The following COL8A1 variants were observed in gnomAD, a reference collection of about 807,000 sequenced individuals.
COL8A1 encodes collagen type VIII alpha 1 chain, also known as collagen alpha-1(VIII) chain.
In COL8A1, 21 loss-of-function variants were observed where a neutral mutation model predicts 42.7. The observed-to-expected ratio is 0.49, with a 90% CI of 0.35 to 0.71. The LOEUF (loss-of-function observed/expected upper bound fraction) is 0.71. Among genes scored for constraint, COL8A1 ranks in the 30% least tolerant of loss-of-function variants. The pLI, the probability that COL8A1 is intolerant of heterozygous loss-of-function variation, is 0.01. For synonymous variants in COL8A1, 367 were observed against 369.1 expected, an observed-to-expected ratio of 0.99 and a Z score of 0.06; for missense variants, 788 against 962.4, an observed-to-expected ratio of 0.82 and a Z score of 2.40.
intron 1 of COL8A1, among the ~76,000 whole-genome samples, chr3:99,712,906 C>T (rs1010494015): frequency 6.6e-6 from 1 of 152,112 alleles, no homozygotes; most frequent in African/African-American, 2.4e-5. Context: ...TCTTTCTCTA[C>T]ATTTCTCTTT....
intron 2 of COL8A1, among the ~76,000 whole-genome samples, chr3:99,749,964 A>G (rs1941107045): frequency 6.6e-6 from 1 of 151,584 alleles, no homozygotes; most frequent in Non-Finnish European, 1.5e-5. Flanking sequence ...AAAATTATGC[A>G]TGAGTTAACT....
At chr3:99,780,625 T>C (rs1458234304) in intron 2 of COL8A1, among the ~76,000 whole-genome samples, 1 of 152,146 alleles carries the variant, frequency 6.6e-6, no homozygotes, top group East Asian at 1.9e-4. Flanking sequence ...ATCAACGAAA[T>C]TCCATATGTT....
intron 1 of COL8A1, among the ~76,000 whole-genome samples, chr3:99,689,255 A>AG (rs1478310458): frequency 3.3e-5 from 5 of 152,214 alleles, no homozygotes; most frequent in Middle Eastern, 3.2e-3. Context: ...GGCCTGTTCG[A>AG]GTGTAGGGTT....
chr3:99,751,472 T>C (rs534347435), intron 2 of COL8A1, among the ~76,000 whole-genome samples: 48 of 152,168 alleles, frequency 3.2e-4, no homozygotes, highest in African/African-American at 1.2e-3. Flanking sequence ...GCAGGGAGAA[T>C]TGCTTGAACC....
intron 1 of COL8A1, among the ~76,000 whole-genome samples, chr3:99,675,409 G>T (rs1291485584): frequency 6.6e-6 from 1 of 151,940 alleles, no homozygotes; most frequent in African/African-American, 2.4e-5. Flanking sequence ...TTTGTTATTT[G>T]TTATGAGCGC....
intron 1 of COL8A1, among the ~76,000 whole-genome samples, chr3:99,659,536 A>C (rs959209552): frequency 6.6e-6 from 1 of 152,214 alleles, no homozygotes; most frequent in Non-Finnish European, 1.5e-5. Context: ...AGCCCCACTG[A>C]GACTGTGGTT....
chr3:99,764,891 G>C (rs1300094116), intron 2 of COL8A1, among the ~76,000 whole-genome samples: 1 of 151,728 alleles, frequency 6.6e-6, no homozygotes, highest in Admixed American at 6.6e-5. Flanking sequence ...CCAATAGTAA[G>C]TTCTCCATAA....
intron 2 of COL8A1, among the ~76,000 whole-genome samples, chr3:99,769,960 C>A (rs1029169424): frequency 6.6e-6 from 1 of 152,032 alleles, no homozygotes; most frequent in East Asian, 1.9e-4. Context: ...GAAAATCATA[C>A]AATTTCTTGT....
At chr3:99,792,922 AT>A (rs1942028610) in intron 3 of COL8A1, among the ~76,000 whole-genome samples, 1 of 152,254 alleles carries the variant, frequency 6.6e-6, no homozygotes, top group African/African-American at 2.4e-5. Context: ...CACACAAAAA[AT>A]AACTCTATTC....
At chr3:99,641,551 T>C (rs1490490994) in intron 1 of COL8A1, among the ~76,000 whole-genome samples, 1 of 152,214 alleles carries the variant, frequency 6.6e-6, no homozygotes, top group Non-Finnish European at 1.5e-5. Flanking sequence ...AACTAACAGA[T>C]GGGTCACGTC....
chr3:99,732,297 T>C (rs548737836), intron 1 of COL8A1, among the ~76,000 whole-genome samples: 1 of 152,162 alleles, frequency 6.6e-6, no homozygotes, highest in African/African-American at 2.4e-5. Flanking sequence ...TCCAGGTGTA[T>C]TAGTCCCTTC....
At position 99,684,433 on chromosome 3, in the gene COL8A1, G is replaced by T. The variant is rs530194198; in HGVS notation, c.-129+45769G>T. Among the ~76,000 whole-genome samples the T allele has an allele frequency of 3.9e-5, 6 of 152,260 alleles. No individual in the cohort carries two copies. The South Asian group carries it at 1.0e-3, about 26-fold the overall frequency. On this transcript the variant is annotated intron_variant, in intron 1 of 3. Coordinates refer to ENST00000652472, the MANE Select transcript of COL8A1 (RefSeq NM_020351.4). ...CTGCCTGCCTTCCTAAAGCAGGAGG[G>T]TTGGGGTACTGGCATCATTTATTGG...
rs375790753 is a variant in COL8A1, at chr3:99,795,278, G to T, written c.1377G>T (p.Gly459=). The change falls in exon 4 of 4, where the codon GGG becomes GGT. Residue 459 remains glycine (G), a synonymous_variant. Transcript: ENST00000652472. ...TGAGGGGTTTGCCAGGTCCCATAGG[G>T]CCCAAGGGGGAAGCTGGGCAAAAAG... ...PGMRGLPGPI[G]PKGEAGQKGV... is the part of the protein sequence containing the mutation. 2.2e-5 allele frequency: 35 copies of T among 1,612,542 alleles called. No individual in the cohort carries two copies. The African/African-American group carries it at 3.9e-4, about 18-fold the overall frequency.
At chr3:99,721,381 A>G (rs571052162) in intron 1 of COL8A1, among the ~76,000 whole-genome samples, 1 of 149,134 alleles carries the variant, frequency 6.7e-6, no homozygotes, top group Non-Finnish European at 1.5e-5. Context: ...AAAAAAAAAA[A>G]AAAGAAAGGA....
intron 1 of COL8A1, among the ~76,000 whole-genome samples, chr3:99,646,611 G>C (rs113365330): frequency 3.7e-4 from 57 of 152,170 alleles, no homozygotes; most frequent in African/African-American, 1.3e-3. Flanking sequence ...CAATAACTAG[G>C]AAGGGCTCAA....
intron 1 of COL8A1, among the ~76,000 whole-genome samples, chr3:99,726,537 G>A (rs1403067736): frequency 6.6e-6 from 1 of 151,654 alleles, no homozygotes; most frequent in Non-Finnish European, 1.5e-5. Context: ...GGGTTTTAAT[G>A]GTTTTAGGTC....
intron 1 of COL8A1, among the ~76,000 whole-genome samples, chr3:99,642,581 G>A (rs1235326660): frequency 6.6e-6 from 1 of 152,066 alleles, no homozygotes; most frequent in African/African-American, 2.4e-5. Flanking sequence ...ATTTATTTGG[G>A]GCTCACTTCC....
intron 2 of COL8A1, among the ~76,000 whole-genome samples, chr3:99,760,949 G>A (rs1055558516): frequency 2.6e-5 from 4 of 152,148 alleles, no homozygotes; most frequent in African/African-American, 9.7e-5. Flanking sequence ...CAGATCAATT[G>A]ATTTCTTGAA....
intron 2 of COL8A1, among the ~76,000 whole-genome samples, chr3:99,749,696 T>C (rs1409297714): frequency 6.6e-6 from 1 of 152,100 alleles, no homozygotes; most frequent in African/African-American, 2.4e-5. Flanking sequence ...AAAGCAAAGG[T>C]CTTATGTAAA....
Sources: allele counts gnomAD v4.1 joint callset (sites outside exome capture counted in the v4.1 genomes callset), GRCh38; gene constraint gnomAD v4.1.1; transcripts MANE v1.5; gene names NCBI Gene and HGNC (gene_info 2026-07-23, HGNC 2026-07-21).